GRIA1: variants seen among roughly 807,000 people sequenced by gnomAD.
GRIA1 encodes the protein glutamate ionotropic receptor AMPA type subunit 1.
In GRIA1, 31 loss-of-function variants were observed where a neutral mutation model predicts 99.2. The observed-to-expected ratio is 0.31, with a 90% CI of 0.23 to 0.42. The LOEUF is 0.42. Ranked by LOEUF, GRIA1 falls within the 10% of genes least tolerant of loss-of-function variation. The pLI, the probability that GRIA1 is intolerant of heterozygous loss-of-function variation, is 1.00. For missense variants in GRIA1, 782 were observed against 1,157.5 expected (o/e 0.68, Z 4.71); for synonymous variants, 438 against 432.4 (o/e 1.01, Z -0.16).
intron 1 of GRIA1, 189 bp downstream of exon 1, chr5:153,491,159 C>T (rs145649709): frequency 2.0e-6 from 2 of 979,790 alleles, no homozygotes; most frequent in East Asian, 2.6e-5. Context: ...GGATGAGGGG[C>T]AGAGGGGAAG....
chr5:153,732,176 A>G (rs7731561), intron 11 of GRIA1, among the ~76,000 whole-genome samples: 81,804 of 151,980 alleles, frequency 0.54, 23,188 homozygotes, highest in East Asian at 0.94. Flanking sequence ...GAATAGTGCT[A>G]CAATGAACAT....
At chr5:153,617,752 A>G (rs1343012208) in intron 2 of GRIA1, among the ~76,000 whole-genome samples, 1 of 152,138 alleles carries the variant, frequency 6.6e-6, no homozygotes, top group Non-Finnish European at 1.5e-5. Flanking sequence ...AAAACTGCTT[A>G]TCCTTCTCTT....
rs1489409634 is a variant in GRIA1 at position 153,811,268 on chromosome 5, C to A, written c.*43C>A. The A allele has an allele frequency of 1.4e-6, 2 of 1,471,058 alleles. No homozygotes were observed. Among genetic ancestry groups the A allele is most frequent in the Admixed American group, 1.7e-5 (1 of 58,736 alleles). The allele number at this position is 1,471,058 out of a possible 1,614,324, so 91.1% of individuals were successfully genotyped here. A position where few individuals can be genotyped will look rare whatever the true frequency, so the allele number is the denominator to read the frequency against. ...CCCTTGGGGAGCAGGCTCGGGCTCCCCAGCCCCATCCCAAACCCTTCAGTG... is the reference window on the plus strand; with the variant it reads ...CCCTTGGGGAGCAGGCTCGGGCTCCACAGCCCCATCCCAAACCCTTCAGTG... On this transcript the variant is annotated 3_prime_UTR_variant, in exon 16 of 16. Transcript: ENST00000285900.
chr5:153,741,226 G>A (rs939427235), intron 11 of GRIA1, among the ~76,000 whole-genome samples: 7 of 151,128 alleles, frequency 4.6e-5, no homozygotes, highest in Non-Finnish European at 8.9e-5. Flanking sequence ...CGCCCACCTC[G>A]GCCTCCCAAA....
At chr5:153,511,895 C>T (rs1465197100) in intron 2 of GRIA1, among the ~76,000 whole-genome samples, 1 of 152,214 alleles carries the variant, frequency 6.6e-6, no homozygotes, top group Non-Finnish European at 1.5e-5. Context: ...TGCTGCCATG[C>T]TTCTTTTCCT....
chr5:153,731,637 A>C (rs1425352080), intron 11 of GRIA1, among the ~76,000 whole-genome samples: 1 of 152,166 alleles, frequency 6.6e-6, no homozygotes, highest in Non-Finnish European at 1.5e-5. Context: ...ATATATATTT[A>C]AGGTATACAA....
chr5:153,801,452 T>C (rs1369028695), intron 14 of GRIA1, among the ~76,000 whole-genome samples: 1 of 152,046 alleles, frequency 6.6e-6, no homozygotes, highest in African/African-American at 2.4e-5. Flanking sequence ...CCAGTGGCCT[T>C]CCTCTGGCTC....
At chr5:153,502,084 T>C (rs1426222521) in intron 2 of GRIA1, among the ~76,000 whole-genome samples, 4 of 152,224 alleles carry the variant, frequency 2.6e-5, no homozygotes, top group Admixed American at 2.0e-4. Flanking sequence ...TTTTACCTTC[T>C]TCACTGAGCC....
intron 7 of GRIA1, among the ~76,000 whole-genome samples, chr5:153,682,477 G>A (rs1757042295): frequency 6.6e-6 from 1 of 152,146 alleles, no homozygotes; most frequent in South Asian, 2.1e-4. Context: ...CAAAGAACTT[G>A]CTAAGTCGGT....
At chr5:153,622,836 A>G (rs560262640) in intron 2 of GRIA1, among the ~76,000 whole-genome samples, 2 of 152,342 alleles carry the variant, frequency 1.3e-5, no homozygotes, top group South Asian at 2.1e-4. Flanking sequence ...TCACACTTCA[A>G]TGAAGGGAAA....
At chr5:153,511,642 A>G (rs975375891) in intron 2 of GRIA1, among the ~76,000 whole-genome samples, 1 of 152,228 alleles carries the variant, frequency 6.6e-6, no homozygotes, top group Non-Finnish European at 1.5e-5. Flanking sequence ...CCTGTTTTAC[A>G]TATGGTGAAA....
intron 2 of GRIA1, among the ~76,000 whole-genome samples, chr5:153,572,040 C>T (rs1762158113): frequency 6.6e-6 from 1 of 152,128 alleles, no homozygotes; most frequent in African/African-American, 2.4e-5. Context: ...AATAAGGCAC[C>T]TCAAAATATT....
At chr5:153,494,135 G>GAA in intron 2 of GRIA1, 70 bp downstream of exon 2, 1 of 1,525,890 alleles carries the variant, frequency 6.6e-7, no homozygotes, top group Non-Finnish European at 8.9e-7. Flanking sequence ...CTGTGGGTAG[G>GAA]TGGTGGTGTT....
At chr5:153,614,982 C>T (rs76842929) in intron 2 of GRIA1, among the ~76,000 whole-genome samples, 1 of 152,306 alleles carries the variant, frequency 6.6e-6, no homozygotes, top group East Asian at 1.9e-4. Context: ...CAGTTATTAT[C>T]ATTAACAATT....
chr5:153,647,698 T>C (rs554888240), intron 3 of GRIA1, among the ~76,000 whole-genome samples: 8 of 152,362 alleles, frequency 5.3e-5, no homozygotes, highest in African/African-American at 1.7e-4. Flanking sequence ...TTCTCTGTTT[T>C]AGATGTTATC....
At chr5:153,810,583 G>A (rs962732437) in intron 15 of GRIA1, among the ~76,000 whole-genome samples, 9 of 152,178 alleles carry the variant, frequency 5.9e-5, no homozygotes, top group African/African-American at 2.2e-4. Context: ...AGGTTTAAAA[G>A]TTCTAGAACA....
intron 15 of GRIA1, 149 bp from the exon 16 acceptor site, chr5:153,810,876 C>T (rs575996202): frequency 2.5e-5 from 16 of 629,544 alleles, no homozygotes; most frequent in East Asian, 1.7e-4. Flanking sequence ...TTTCTGTGTT[C>T]CTGAGAAGTC....
intron 2 of GRIA1, among the ~76,000 whole-genome samples, chr5:153,498,604 C>T (rs1416608609): frequency 6.6e-6 from 1 of 152,190 alleles, no homozygotes; most frequent in Non-Finnish European, 1.5e-5. Context: ...GCACTGGCAA[C>T]AGAGAGATGG....
chr5:153,578,170 A>AG (rs1249385786), intron 2 of GRIA1, among the ~76,000 whole-genome samples: 10 of 119,356 alleles, frequency 8.4e-5, no homozygotes, highest in African/African-American at 2.6e-4. Context: ...AAAAAAAAAA[A>AG]AAAGAAAGAA....
Sources: allele counts gnomAD v4.1 joint callset (sites outside exome capture counted in the v4.1 genomes callset), GRCh38; gene constraint gnomAD v4.1.1; transcripts MANE v1.5; gene names NCBI Gene and HGNC (gene_info 2026-07-23, HGNC 2026-07-21).